C1orf21: variants seen among roughly 807,000 people sequenced by gnomAD.
C1orf21 encodes the protein chromosome 1 open reading frame 21.
A neutral mutation model predicts 18.7 loss-of-function variants in C1orf21; 3 were observed. The observed-to-expected ratio is 0.16, with a 90% CI of 0.07 to 0.42. C1orf21 has a LOEUF of 0.42. C1orf21 is among the 10% of genes least tolerant of loss of function. The probability of loss-of-function intolerance (pLI) is 0.99; values close to 1 mark genes in which losing one functional copy is unlikely to be tolerated. For synonymous variants in C1orf21, 41 were observed against 46.4 expected (o/e 0.88, Z 0.47); for missense variants, 104 against 143.6 (o/e 0.72, Z 1.41).
At chr1:184,537,166 AGTT>A (rs1359102916) in intron 3 of C1orf21, among the ~76,000 whole-genome samples, 1 of 152,176 alleles carries the variant, frequency 6.6e-6, no homozygotes, top group Non-Finnish European at 1.5e-5. Flanking sequence ...CCATCTTAAT[AGTT>A]GTGTACAGTT....
At chr1:184,582,972 G>A (rs1252856851) in intron 3 of C1orf21, among the ~76,000 whole-genome samples, 1 of 152,128 alleles carries the variant, frequency 6.6e-6, no homozygotes, top group Non-Finnish European at 1.5e-5. Context: ...CCGAGTAGCT[G>A]GGATTACAGG....
chr1:184,542,105 G>A (rs1018907905), intron 3 of C1orf21, among the ~76,000 whole-genome samples: 1 of 152,072 alleles, frequency 6.6e-6, no homozygotes, highest in Admixed American at 6.6e-5. Flanking sequence ...CAACTTGTTG[G>A]GAAGATCATC....
intron 1 of C1orf21, among the ~76,000 whole-genome samples, chr1:184,457,147 A>G (rs1274139821): frequency 6.6e-6 from 1 of 152,232 alleles, no homozygotes; most frequent in Non-Finnish European, 1.5e-5. Context: ...TCAATAAGCC[A>G]TGAAGATACT....
In C1orf21 at chr1:184,624,665, A is replaced by G. The variant is rs1659977515; in HGVS notation, c.*5109A>G. Reference sequence around the variant, plus strand: ...TCTCTTTTTCATCTTTGGACTGGGGATCTGCATCTTCCAGGTCCATTTAAG... The same window carrying G: ...TCTCTTTTTCATCTTTGGACTGGGGGTCTGCATCTTCCAGGTCCATTTAAG... On this transcript the variant is annotated 3_prime_UTR_variant, in exon 6 of 6. Coordinates refer to ENST00000235307, the MANE Select transcript of C1orf21 (RefSeq NM_030806.4). 1 of 152,132 alleles carries G rather than the reference A, an allele frequency of 6.6e-6. No individual in the cohort carries two copies. Among genetic ancestry groups the G allele is most frequent in the Non-Finnish European group, 1.5e-5 (1 of 68,030 alleles). 9.4% of individuals were successfully genotyped at this position (152,132 alleles called of 1,614,324 possible). A position where few individuals can be genotyped will look rare whatever the true frequency, so the allele number is the denominator to read the frequency against.
intron 1 of C1orf21, among the ~76,000 whole-genome samples, chr1:184,396,152 T>A (rs1656047590): frequency 1.3e-5 from 2 of 152,146 alleles, no homozygotes; most frequent in Admixed American, 1.3e-4. Context: ...ACTATGCAAA[T>A]CCTTTTAGGT....
At chr1:184,512,813 A>C (rs1035967422) in intron 3 of C1orf21, among the ~76,000 whole-genome samples, 1 of 152,102 alleles carries the variant, frequency 6.6e-6, no homozygotes, top group Non-Finnish European at 1.5e-5. Flanking sequence ...GACCAGTACC[A>C]GTCGGTGGCC....
intron 1 of C1orf21, among the ~76,000 whole-genome samples, chr1:184,438,316 C>T (rs1656889847): frequency 1.3e-5 from 2 of 152,110 alleles, no homozygotes; most frequent in Admixed American, 6.5e-5. Context: ...CAGTTATATT[C>T]CCTTTTAGGA....
chr1:184,389,591 G>A (rs896495456), intron 1 of C1orf21, among the ~76,000 whole-genome samples: 1 of 152,110 alleles, frequency 6.6e-6, no homozygotes, highest in Non-Finnish European at 1.5e-5. Flanking sequence ...TATTTGCTAT[G>A]ACTTATTCAA....
At chr1:184,580,634 C>T (rs550498834) in intron 3 of C1orf21, among the ~76,000 whole-genome samples, 6 of 152,356 alleles carry the variant, frequency 3.9e-5, no homozygotes, top group African/African-American at 9.6e-5. Flanking sequence ...TTCTTTGGGA[C>T]GTTGTCCCCA....
chr1:184,422,075 T>A (rs1656554750), intron 1 of C1orf21, among the ~76,000 whole-genome samples: 1 of 152,148 alleles, frequency 6.6e-6, no homozygotes, highest in South Asian at 2.1e-4. Context: ...TTGGAAGAAG[T>A]CCGATGGGAT....
chr1:184,628,375 TATAAAC>T lies in C1orf21; in HGVS notation c.*8821_*8826del, dbSNP rs1660052220. On this transcript the variant is annotated 3_prime_UTR_variant, in exon 6 of 6. Transcript: ENST00000235307. ...TTTAAATGAATAAGACACAAAATAT[TATAAAC>T]AGAGGTTCTGGCATTTTCTCTCTGA... The T allele has an allele frequency of 6.6e-6, 1 of 152,200 alleles. No homozygotes were observed. The allele number at this position is 152,200 out of a possible 1,614,324, so 9.4% of individuals were successfully genotyped here. A position where few individuals can be genotyped will look rare whatever the true frequency, so the allele number is the denominator to read the frequency against.
intron 1 of C1orf21, among the ~76,000 whole-genome samples, chr1:184,433,651 G>C (rs372164509): frequency 2.6e-5 from 4 of 152,176 alleles, no homozygotes; most frequent in South Asian, 4.1e-4. Flanking sequence ...AAACAGATAA[G>C]GTTAGTTTTA....
intron 3 of C1orf21, among the ~76,000 whole-genome samples, chr1:184,566,212 C>T (rs1169473975): frequency 6.6e-6 from 1 of 152,102 alleles, no homozygotes; most frequent in Admixed American, 6.6e-5. Context: ...CGTACCTGCC[C>T]CCAGGTTGGC....
intron 3 of C1orf21, among the ~76,000 whole-genome samples, chr1:184,540,764 T>G (rs112158950): frequency 1.8e-4 from 27 of 152,314 alleles, no homozygotes; most frequent in African/African-American, 6.3e-4. Flanking sequence ...AAAAAGTTTA[T>G]GAAGCTAAAA....
intron 3 of C1orf21, among the ~76,000 whole-genome samples, chr1:184,555,157 C>T (rs1658860704): frequency 1.3e-5 from 2 of 152,176 alleles, no homozygotes; most frequent in African/African-American, 2.4e-5. Flanking sequence ...CAATATCTAG[C>T]CTATAACTAG....
In C1orf21 at chr1:184,623,063, T is replaced by TA. The variant is rs1292566714; in HGVS notation, c.*3513dup. On this transcript the variant is annotated 3_prime_UTR_variant, in exon 6 of 6. Transcript: ENST00000235307. ...GGGCAAGACTCTTCCATAAGCCTGC[T>TA]AAAAAACAGAGATGATACCTCTTAC... 6.6e-6 allele frequency: 1 copy of TA among 152,204 alleles called. No individual in the cohort carries two copies. The highest frequency in any genetic ancestry group is 2.4e-5 in the African/African-American group (1 of 41,448). 9.4% of individuals were successfully genotyped at this position (152,204 alleles called of 1,614,324 possible). A position where few individuals can be genotyped will look rare whatever the true frequency, so the allele number is the denominator to read the frequency against.
At chr1:184,487,032 C>T (rs1391448783) in intron 2 of C1orf21, among the ~76,000 whole-genome samples, 2 of 152,242 alleles carry the variant, frequency 1.3e-5, no homozygotes, top group Non-Finnish European at 2.9e-5. Flanking sequence ...GCAGGCAAGG[C>T]CTGCTTGGGG....
intron 1 of C1orf21, among the ~76,000 whole-genome samples, chr1:184,416,657 A>G (rs536774594): frequency 6.6e-6 from 1 of 152,334 alleles, no homozygotes; most frequent in African/African-American, 2.4e-5. Flanking sequence ...AAGCAGTATT[A>G]CTCAGCATGA....
intron 5 of C1orf21, among the ~76,000 whole-genome samples, chr1:184,615,881 T>TA (rs1659814068): frequency 6.6e-6 from 1 of 152,250 alleles, no homozygotes; most frequent in Non-Finnish European, 1.5e-5. Flanking sequence ...TGTGTAATGG[T>TA]CAAATCAGGG....
Sources: allele counts gnomAD v4.1 joint callset (sites outside exome capture counted in the v4.1 genomes callset), GRCh38; gene constraint gnomAD v4.1.1; transcripts MANE v1.5; gene names NCBI Gene and HGNC (gene_info 2026-07-23, HGNC 2026-07-21).